SHANK2: variants seen among roughly 807,000 people sequenced by gnomAD.
SHANK2 encodes the protein SH3 and multiple ankyrin repeat domains protein 2.
Under a neutral mutation model 133.7 loss-of-function variants are expected in SHANK2, and 43 were observed. The ratio of observed to expected loss-of-function variants is 0.32; its 90% CI spans 0.25 to 0.41. SHANK2 has a LOEUF of 0.41. Ranked by LOEUF, SHANK2 falls within the 10% of genes least tolerant of loss-of-function variation. The probability of loss-of-function intolerance (pLI) is 1.00; values close to 1 mark genes in which losing one functional copy is unlikely to be tolerated. For missense variants in SHANK2, 1,994 were observed against 2,235.8 expected (o/e 0.89, Z 2.18); for synonymous variants, 1,017 against 952.8 (o/e 1.07, Z -1.24).
In SHANK2 at chr11:70,820,131, G is replaced by A. The variant is rs76115974; in HGVS notation, c.1493+233C>T. Among the ~76,000 whole-genome samples the A allele has an allele frequency of 2.9e-3, 447 of 152,302 alleles. 12 individuals carry two copies. In the East Asian group the frequency reaches 0.078, roughly 27 times the overall value. ...GATGCTCAGCTCAGCCTGCACACCT[G>A]CCCCGAGCTTTCATCGTGTGCCTCC... On this transcript the variant is annotated intron_variant, in intron 12 of 25. Transcript: ENST00000601538.
intron 9 of SHANK2, among the ~76,000 whole-genome samples, chr11:71,062,830 T>C (rs1229011736): frequency 6.6e-6 from 1 of 151,652 alleles, no homozygotes; most frequent in Non-Finnish European, 1.5e-5. Flanking sequence ...ATCCCGTCTC[T>C]ACAAAAAATG....
At chr11:70,589,657 G>A (rs553230844) in intron 17 of SHANK2, among the ~76,000 whole-genome samples, 26 of 152,258 alleles carry the variant, frequency 1.7e-4, no homozygotes, top group East Asian at 7.7e-4. Flanking sequence ...GACGGATCTC[G>A]GCAAAGTCAA....
chr11:71,211,458 A>T (rs1954280150), intron 2 of SHANK2, among the ~76,000 whole-genome samples: 1 of 151,996 alleles, frequency 6.6e-6, no homozygotes. Flanking sequence ...GAATCACTTC[A>T]GCTAGGGAGG....
chr11:70,588,986 T>G (rs868937652), intron 17 of SHANK2, among the ~76,000 whole-genome samples: 9 of 152,184 alleles, frequency 5.9e-5, no homozygotes, highest in Middle Eastern at 6.8e-3. Flanking sequence ...CCCACATAAT[T>G]TTTTGTATTT....
At chr11:71,083,847 A>C (rs1465504179) in intron 8 of SHANK2, among the ~76,000 whole-genome samples, 1 of 152,120 alleles carries the variant, frequency 6.6e-6, no homozygotes, top group Non-Finnish European at 1.5e-5. Context: ...GGGTTGTGGG[A>C]ATGCATTGGG....
intron 25 of SHANK2, among the ~76,000 whole-genome samples, chr11:70,483,536 CAAAA>C (rs10590898): frequency 2.2e-5 from 1 of 44,536 alleles, no homozygotes; most frequent in African/African-American, 8.7e-5. Flanking sequence ...TCATCTCTAC[CAAAA>C]AAAAAAAAAA....
At chr11:70,557,549 C>T (rs905665853) in intron 17 of SHANK2, among the ~76,000 whole-genome samples, 1 of 152,110 alleles carries the variant, frequency 6.6e-6, no homozygotes, top group African/African-American at 2.4e-5. Context: ...AGCTTGATGT[C>T]GGTCTTGCTG....
intron 17 of SHANK2, among the ~76,000 whole-genome samples, chr11:70,527,276 G>T (rs571492900): frequency 2.6e-5 from 4 of 152,344 alleles, no homozygotes; most frequent in African/African-American, 9.6e-5. Flanking sequence ...CCTGGGGAGG[G>T]TGTGGTGCCG....
intron 11 of SHANK2, among the ~76,000 whole-genome samples, chr11:70,878,434 T>A (rs1377610213): frequency 1.3e-5 from 2 of 152,178 alleles, no homozygotes; most frequent in Admixed American, 6.5e-5. Flanking sequence ...CCATCCTGCT[T>A]TCTGGAGCAA....
chr11:70,943,816 A>G (rs1180763254), intron 10 of SHANK2: 1 of 420,924 alleles, frequency 2.4e-6, no homozygotes, highest in African/African-American at 2.0e-5. Flanking sequence ...CCTCCCACCC[A>G]ATCCCTTCCT....
At chr11:71,110,704 G>A (rs1158219709) in intron 5 of SHANK2, among the ~76,000 whole-genome samples, 2 of 152,218 alleles carry the variant, frequency 1.3e-5, no homozygotes, top group African/African-American at 4.8e-5. Flanking sequence ...TCCTGGAGCT[G>A]AGGCTTTTGG....
intron 11 of SHANK2, among the ~76,000 whole-genome samples, chr11:70,881,291 C>T (rs1258068480): frequency 6.6e-6 from 1 of 152,108 alleles, no homozygotes; most frequent in Non-Finnish European, 1.5e-5. Flanking sequence ...AAGCAATCCT[C>T]CAGTTTCGGC....
At chr11:70,496,922 G>A (rs2058979595) in intron 21 of SHANK2, 1 of 456,308 alleles carries the variant, frequency 2.2e-6, no homozygotes, top group South Asian at 1.6e-5. Context: ...GGCTGGTCAT[G>A]TCATTGAAGG....
At chr11:70,940,773 G>T (rs1445005537) in intron 10 of SHANK2, among the ~76,000 whole-genome samples, 5 of 152,190 alleles carry the variant, frequency 3.3e-5, no homozygotes, top group Non-Finnish European at 7.3e-5. Flanking sequence ...TAACTAAAAA[G>T]ATTTACAGCC....
intron 13 of SHANK2, among the ~76,000 whole-genome samples, chr11:70,803,600 T>C (rs1378693246): frequency 2.0e-5 from 3 of 151,936 alleles, no homozygotes; most frequent in African/African-American, 4.8e-5. Flanking sequence ...TAGGGATGGA[T>C]GGCCAGGAGA....
intron 15 of SHANK2, among the ~76,000 whole-genome samples, chr11:70,690,911 C>T (rs560214369): frequency 3.9e-5 from 6 of 151,982 alleles, no homozygotes; most frequent in African/African-American, 1.2e-4. Flanking sequence ...TTAAGAAATA[C>T]GGGAGTAATC....
chr11:70,898,455 A>C (rs1274200036), intron 10 of SHANK2, among the ~76,000 whole-genome samples: 2 of 152,104 alleles, frequency 1.3e-5, no homozygotes, highest in Non-Finnish European at 2.9e-5. Flanking sequence ...TGCATGCTAG[A>C]AATATGAATG....
intron 16 of SHANK2, among the ~76,000 whole-genome samples, chr11:70,660,697 A>C (rs1555013017): frequency 2.0e-5 from 3 of 152,144 alleles, no homozygotes; most frequent in South Asian, 2.1e-4. Context: ...GGGGAGAGCA[A>C]ATCACACAGA....
intron 17 of SHANK2, among the ~76,000 whole-genome samples, chr11:70,568,644 CTG>C (rs2059999093): frequency 2.7e-5 from 2 of 73,562 alleles, no homozygotes; most frequent in Non-Finnish European, 3.2e-5. Flanking sequence ...CAGCGGATTC[CTG>C]CCCCCCCCGC....
Sources: allele counts gnomAD v4.1 joint callset (sites outside exome capture counted in the v4.1 genomes callset), GRCh38; gene constraint gnomAD v4.1.1; transcripts MANE v1.5; gene names NCBI Gene and HGNC (gene_info 2026-07-23, HGNC 2026-07-21).